Variants in BRAP observed in about 807,000 individuals in gnomAD.
BRAP encodes the protein BRCA1 associated protein.
A neutral mutation model predicts 73.4 loss-of-function variants in BRAP; 42 were observed. The observed-to-expected ratio is 0.57, with a 90% confidence interval of 0.45 to 0.74. The LOEUF is 0.74. Among genes scored for constraint, BRAP ranks in the 30% least tolerant of loss-of-function variants. The pLI is 0.00. For missense variants in BRAP, 593 were observed against 751.4 expected (o/e 0.79, Z 2.46); for synonymous variants, 255 against 267.4 (o/e 0.95, Z 0.45).
At chr12:111,647,179 G>GGCTC (rs1886137999) in intron 11 of BRAP, among the ~76,000 whole-genome samples, 2 of 152,136 alleles carry the variant, frequency 1.3e-5, no homozygotes, top group Non-Finnish European at 2.9e-5. Flanking sequence ...CTCAGACTAG[G>GGCTC]AGGACCACTT....
intron 2 of BRAP, 139 bp from the exon 3 acceptor site, chr12:111,681,974 T>C (rs1440837500): frequency 2.5e-6 from 2 of 804,790 alleles, no homozygotes; most frequent in African/African-American, 1.8e-5. Flanking sequence ...CTATTATTTG[T>C]AGAATAGCTG....
At chr12:111,659,037 T>G (rs1378461938) in intron 8 of BRAP, among the ~76,000 whole-genome samples, 170 bp downstream of exon 8, 6 of 152,158 alleles carry the variant, frequency 3.9e-5, no homozygotes, top group Non-Finnish European at 5.9e-5. Flanking sequence ...CTTTATAATG[T>G]GTGATTCAAG....
chr12:111,659,420 G>C (rs569561037), intron 7 of BRAP, 75 bp from the exon 8 acceptor site: 12 of 1,396,594 alleles, frequency 8.6e-6, no homozygotes, highest in Non-Finnish European at 1.2e-5. Context: ...CTCGGAGGCC[G>C]AGGCAGATGG....
chr12:111,669,974 T>C (rs765162274), intron 5 of BRAP: 2 of 653,452 alleles, frequency 3.1e-6, no homozygotes, highest in Non-Finnish European at 5.8e-6. Flanking sequence ...TGTTGGTGTA[T>C]CCCTTCCAAT....
intron 4 of BRAP, among the ~76,000 whole-genome samples, chr12:111,675,788 TAC>T (rs1408241019): frequency 1.3e-5 from 2 of 152,078 alleles, no homozygotes; most frequent in Admixed American, 1.3e-4. Flanking sequence ...AGGAATCAAC[TAC>T]AGTGTTGAGA....
intron 4 of BRAP, among the ~76,000 whole-genome samples, chr12:111,675,461 C>T (rs1488819916): frequency 1.3e-5 from 2 of 148,940 alleles, no homozygotes; most frequent in South Asian, 2.2e-4. Context: ...TAGAAATGCA[C>T]CTTCACCTGT....
In BRAP at chr12:111,685,838, C is replaced by T; in HGVS notation, c.-46G>A. 7.4e-7 allele frequency: 1 copy of T among 1,347,534 alleles called. No individual in the cohort carries two copies. The highest frequency in any genetic ancestry group is 9.6e-7 in the Non-Finnish European group (1 of 1,037,310). 83.5% of individuals were successfully genotyped at this position (1,347,534 alleles called of 1,614,324 possible). On this transcript the variant is annotated 5_prime_UTR_variant, in exon 1 of 12. Transcript: ENST00000419234. ...CGGGCCCCGGCGGGCTCAGGCGAGG[C>T]TGGAAGGCGAGCCGAGAGGCCGAGC...
At position 111,643,725 on chromosome 12, in the gene BRAP, A is replaced by G. The variant is rs1246927157; in HGVS notation, c.*474T>C. Reference sequence around the variant, plus strand: ...TAATGATATGACACTATTGCTAGGGAGTTTTCATAACTCCTTAATAGCCAA... The same window carrying G: ...TAATGATATGACACTATTGCTAGGGGGTTTTCATAACTCCTTAATAGCCAA... On this transcript the variant is annotated 3_prime_UTR_variant, in exon 12 of 12. Coordinates refer to ENST00000419234, the MANE Select transcript of BRAP (RefSeq NM_006768.5). 1 of 155,128 alleles carries G rather than the reference A, an allele frequency of 6.4e-6. No individual in the cohort carries two copies. The highest frequency in any genetic ancestry group is 2.4e-5 in the African/African-American group (1 of 41,448). The allele number at this position is 155,128 out of a possible 1,614,324, so 9.6% of individuals were successfully genotyped here.
rs561560138 is a variant in BRAP, at chr12:111,682,185, G to C, written c.245-350C>G. 5.3e-5 allele frequency among the ~76,000 whole-genome samples: 8 copies of C among 152,248 alleles called. No homozygotes were observed. The East Asian group carries it at 1.5e-3, about 29-fold the overall frequency. On this transcript the variant is annotated intron_variant, in intron 2 of 11. Coordinates refer to ENST00000419234, the MANE Select transcript of BRAP (RefSeq NM_006768.5). Reference sequence around the variant, plus strand: ...ACCTACCAGTTCTGACCACCTCCATGTTGGAGATGTAGTACTATCTACACA... The same window carrying C: ...ACCTACCAGTTCTGACCACCTCCATCTTGGAGATGTAGTACTATCTACACA...
intron 10 of BRAP, among the ~76,000 whole-genome samples, chr12:111,655,107 C>G (rs182112007): frequency 6.6e-6 from 1 of 152,202 alleles, no homozygotes; most frequent in East Asian, 1.9e-4. Flanking sequence ...AATTTGAAAA[C>G]TGCTGCCCTA....
Position 111,665,586 on chromosome 12 carries a change from C to G in BRAP, c.896+53G>C. ...TTTCTGCTGGTGGCTCTTTTTAATT[C>G]TGGAAGGGTTGCAATGGGCTTGTAC... On this transcript the variant is annotated intron_variant, in intron 6 of 11. Coordinates refer to ENST00000419234, the MANE Select transcript of BRAP (RefSeq NM_006768.5). This position sits in a 1 kb window ranked among gnomAD's most constrained non-coding sequence, Gnocchi z 4.3. 1 of 1,592,968 alleles carries G rather than the reference C, an allele frequency of 6.3e-7. No homozygotes were observed. The highest frequency in any genetic ancestry group is 1.3e-5 in the African/African-American group (1 of 74,526).
Position 111,650,432 on chromosome 12 carries a change from AT to A in BRAP, c.1312-391del, listed in dbSNP as rs912245648. ...AGGTGCCTGCCACCACGCCCGGCTA[AT>A]TTTTGTATTTTTAGTAGAGACAGGG... On this transcript the variant is annotated intron_variant, in intron 10 of 11. Coordinates refer to ENST00000419234, the MANE Select transcript of BRAP (RefSeq NM_006768.5). Among the ~76,000 whole-genome samples, 65 of 152,200 alleles carry A rather than the reference AT, an allele frequency of 4.3e-4. 1 individual carries two copies. The highest frequency in any genetic ancestry group is 4.2e-3 in the Admixed American group (64 of 15,276).
intron 1 of BRAP, 142 bp downstream of exon 1, chr12:111,685,569 A>G: frequency 7.3e-7 from 1 of 1,365,194 alleles, no homozygotes; most frequent in Non-Finnish European, 9.5e-7. Context: ...CGGATGGGAA[A>G]GAGAGGGATC....
intron 3 of BRAP, among the ~76,000 whole-genome samples, chr12:111,680,146 G>A (rs1023097772): frequency 5.9e-5 from 9 of 151,480 alleles, no homozygotes; most frequent in Non-Finnish European, 1.5e-5. Context: ...TAGTAGAGAT[G>A]GGGTTTCACT....
chr12:111,683,380 AGGT>A, intron 1 of BRAP, 73 bp from the exon 2 acceptor site: 1 of 1,486,110 alleles, frequency 6.7e-7, no homozygotes, highest in Non-Finnish European at 9.1e-7. Context: ...CTCTATCATT[AGGT>A]TTTCCTTTTC....
intron 9 of BRAP, among the ~76,000 whole-genome samples, chr12:111,657,018 C>T (rs576120761): frequency 6.6e-6 from 1 of 152,284 alleles, no homozygotes; most frequent in Admixed American, 6.5e-5. Context: ...GGATTACAGG[C>T]ATAAGCCACC....
chr12:111,645,946 T>C (rs1208506222), intron 11 of BRAP, among the ~76,000 whole-genome samples: 1 of 152,074 alleles, frequency 6.6e-6, no homozygotes, highest in South Asian at 2.1e-4. Context: ...GCTGTGTTCA[T>C]GCTACTGCAC....
intron 8 of BRAP, 50 bp downstream of exon 8, chr12:111,659,157 A>C: frequency 6.3e-7 from 1 of 1,582,344 alleles, no homozygotes. Context: ...TTGTGAAGGC[A>C]AAGTTTCCAC....
chr12:111,670,917 T>C (rs796199167), intron 5 of BRAP, among the ~76,000 whole-genome samples: 19 of 152,102 alleles, frequency 1.2e-4, no homozygotes, highest in African/African-American at 4.3e-4. Context: ...CTGGCCAACA[T>C]GGCAAAACCC....
Sources: gnomAD v4.1 joint callset for allele counts (sites outside exome capture counted in the v4.1 genomes callset) on GRCh38, gnomAD v4.1.1 for gene constraint, Gnocchi (gnomAD v3.1) non-coding constraint, MANE v1.5 for transcripts, NCBI Gene and HGNC (gene_info 2026-07-23, HGNC 2026-07-21) for gene names.